Variants in SLC12A9 observed in about 807,000 individuals in gnomAD.
The protein encoded by SLC12A9 is CCC-interacting protein 1.
SLC12A9 carries 55 observed loss-of-function variants against 66.0 expected under a neutral mutation model. That is an observed-to-expected ratio of 0.83 (90% CI 0.67 to 1.04). The LOEUF (loss-of-function observed/expected upper bound fraction) is 1.04, where lower values mean the gene tolerates loss of function less well. Ranked by LOEUF, SLC12A9 falls within the 50% of genes least tolerant of loss-of-function variation. The pLI is 0.00. For synonymous variants in SLC12A9, 577 were observed against 569.0 expected, an observed-to-expected ratio of 1.01 and a Z score of -0.20; for missense variants, 1,061 against 1,241.9, an observed-to-expected ratio of 0.85 and a Z score of 2.19.
chr7:100,829,537 G>A (rs778472401), intron 1 of SLC12A9, among the ~76,000 whole-genome samples: 46 of 152,006 alleles, frequency 3.0e-4, no homozygotes, highest in Non-Finnish European at 6.0e-4. Context: ...CGGTCACCGA[G>A]GGCAGGAAAC....
intron 1 of SLC12A9, among the ~76,000 whole-genome samples, chr7:100,836,830 CTT>C (rs1813670036): frequency 9.4e-6 from 1 of 106,048 alleles, no homozygotes; most frequent in African/African-American, 3.7e-5. Flanking sequence ...ATTCACCAGA[CTT>C]AATCCTGGGG....
upstream of SLC12A9, among the ~76,000 whole-genome samples, chr7:100,851,572 T>C (rs1485045355): frequency 6.6e-6 from 1 of 150,614 alleles, no homozygotes; most frequent in East Asian, 2.0e-4. Flanking sequence ...TGCAGGCGCA[T>C]GCTTGAGTTC....
At chr7:100,846,632 T>C (rs1247136846) in intron 1 of SLC12A9, among the ~76,000 whole-genome samples, 2 of 151,852 alleles carry the variant, frequency 1.3e-5, no homozygotes, top group African/African-American at 4.8e-5. Context: ...GTGTACTATA[T>C]GAATCACTAT....
chr7:100,866,737 A>G lies in SLC12A9; in HGVS notation c.*132A>G. ...GGACGTGGAGCCCAGGGGAGGTTTG[A>G]AGGGGATCCTGGGCTTGGGCATCAC... On this transcript the variant is annotated 3_prime_UTR_variant, in exon 14 of 14. Transcript: ENST00000354161. This position sits in a 1 kb window ranked among gnomAD's most constrained non-coding sequence, Gnocchi z 7.3. The G allele has an allele frequency of 1.0e-6, 1 of 995,014 alleles. No individual in the cohort carries two copies. The highest frequency in any genetic ancestry group is 1.4e-6 in the Non-Finnish European group (1 of 716,182). The allele number at this position is 995,014 out of a possible 1,614,324, so 61.6% of individuals were successfully genotyped here. A position where few individuals can be genotyped will look rare whatever the true frequency, so the allele number is the denominator to read the frequency against.
chr7:100,851,784 C>CAAAAAAAA (rs66749400), upstream of SLC12A9, among the ~76,000 whole-genome samples: 50 of 74,236 alleles, frequency 6.7e-4, no homozygotes, highest in Admixed American at 9.0e-4. Flanking sequence ...GTTCCTGGAT[C>CAAAAAAAA]AAAAAAAAAA....
At chr7:100,853,905 T>G (rs1814225946) in intron 1 of SLC12A9, among the ~76,000 whole-genome samples, 1 of 152,066 alleles carries the variant, frequency 6.6e-6, no homozygotes, top group Admixed American at 6.6e-5. Context: ...CTTTTTGTAT[T>G]TTTAGTAGAG....
chr7:100,845,055 A>G (rs1016906329), intron 1 of SLC12A9, among the ~76,000 whole-genome samples: 4 of 151,980 alleles, frequency 2.6e-5, no homozygotes, highest in Non-Finnish European at 5.9e-5. Flanking sequence ...GCACAAAAAA[A>G]TCACCCTGAT....
intron 1 of SLC12A9, among the ~76,000 whole-genome samples, chr7:100,829,392 C>T (rs1813498702): frequency 1.3e-5 from 2 of 152,166 alleles, no homozygotes; most frequent in East Asian, 3.9e-4. Context: ...CCTTACGTCC[C>T]AGAAAGGACA....
At chr7:100,853,328 C>G (rs960295882) in intron 1 of SLC12A9, 4 of 152,138 alleles carry the variant, frequency 2.6e-5, no homozygotes, top group African/African-American at 4.8e-5. Flanking sequence ...GCTGGAGAAG[C>G]CTGTGCCGTC....
rs1322527164 is a variant in SLC12A9, at chr7:100,835,649, CA to C, written n.228+8613del. On this transcript the variant is annotated intron_variant and non_coding_transcript_variant, in intron 1 of 1. Coordinates refer to the SLC12A9 transcript ENST00000461016. ...TGGGTGACAGAGCAAGACTCCGTCT[CA>C]AAAAAAAAAACAACAAAAAAACAAA... 3.8e-4 allele frequency among the ~76,000 whole-genome samples: 52 copies of C among 138,310 alleles called. 2 individuals are homozygous for C. The highest frequency in any genetic ancestry group is 8.4e-4 in the African/African-American group (32 of 38,014). 90.7% of individuals were successfully genotyped at this position (138,310 alleles called of 152,430 possible).
At chr7:100,848,903 G>A (rs1813989492), upstream of SLC12A9, among the ~76,000 whole-genome samples, 1 of 120,292 alleles carries the variant, frequency 8.3e-6, no homozygotes, top group Admixed American at 7.9e-5. Context: ...AGGAAAGAAA[G>A]AAAGAAAAGA....
Position 100,861,479 on chromosome 7 carries a change from G to A in SLC12A9, c.1431G>A (p.Ala477=), listed in dbSNP as rs751946625. 7.4e-6 allele frequency: 12 copies of A among 1,613,788 alleles called. No individual in the cohort carries two copies. The highest frequency in any genetic ancestry group is 3.3e-5 in the South Asian group (3 of 91,082). ...LLMMFLISPG[A]AGGSLLLMGL... Reference sequence around the variant, plus strand: ...TGATGTTCCTCATCAGTCCTGGCGCGGCTGGTGGCTCCCTGCTCCTCATGG... The same window carrying A: ...TGATGTTCCTCATCAGTCCTGGCGCAGCTGGTGGCTCCCTGCTCCTCATGG... The change falls in exon 11 of 14, where the codon GCG becomes GCA. Residue 477 remains alanine, a synonymous_variant. Transcript: ENST00000354161. The surrounding 1 kb of genome is among the most constrained non-coding windows in gnomAD (Gnocchi z 5.3).
At chr7:100,832,527 T>C (rs1279556801) in intron 1 of SLC12A9, among the ~76,000 whole-genome samples, 1 of 151,808 alleles carries the variant, frequency 6.6e-6, no homozygotes, top group African/African-American at 2.4e-5. Context: ...CAAAAATTAA[T>C]CAGCCATCCT....
upstream of SLC12A9, among the ~76,000 whole-genome samples, chr7:100,850,309 G>T (rs1458966454): frequency 6.9e-6 from 1 of 145,338 alleles, no homozygotes; most frequent in Non-Finnish European, 1.5e-5. Flanking sequence ...ACCCAGATGG[G>T]TGTGCAGCCA....
chr7:100,857,168 A>G lies in SLC12A9; in HGVS notation c.749A>G (p.Asn250Ser). Residue 250 changes from asparagine to serine, a missense_variant, in exon 5 of 14, where the codon AAC becomes AGC. By Grantham distance (46) the Asn-to-Ser change is conservative. Coordinates refer to ENST00000354161, the MANE Select transcript of SLC12A9 (RefSeq NM_020246.4). The stretch of plus-strand genomic sequence containing the variant: ...TTCAACAGCAGTACCCTGAAGGACA[A>G]CTTGGGCGGTGAGCTGGGTGCTGCC... Reference protein sequence around the residue: ...TGFNSSTLKDNLGAGYAEDYT... With the variant: ...TGFNSSTLKDSLGAGYAEDYT... 6.2e-7 allele frequency: 1 copy of G among 1,609,634 alleles called. No individual in the cohort carries two copies. The highest frequency in any genetic ancestry group is 8.5e-7 in the Non-Finnish European group (1 of 1,176,646).
At chr7:100,828,600 G>C (rs978200378) in intron 1 of SLC12A9, among the ~76,000 whole-genome samples, 3 of 151,618 alleles carry the variant, frequency 2.0e-5, no homozygotes, top group Non-Finnish European at 4.4e-5. Flanking sequence ...AGAGGGTGAG[G>C]GGTCCGGCTA....
chr7:100,852,555 C>G (rs1444694905), upstream of SLC12A9: 1 of 152,292 alleles, frequency 6.6e-6, no homozygotes, highest in African/African-American at 2.4e-5. Flanking sequence ...CACGTCCTGC[C>G]GGAGACGCTT....
Position 100,854,243 on chromosome 7 carries a change from G to C in SLC12A9, c.46G>C (p.Glu16Gln), listed in dbSNP as rs763599296. The C allele has an allele frequency of 6.3e-7, 1 of 1,578,186 alleles. No individual in the cohort carries two copies. The highest frequency in any genetic ancestry group is 2.3e-5 in the East Asian group (1 of 44,312). Residue 16 changes from glutamate to glutamine, a missense_variant, in exon 2 of 14, where the codon GAG becomes CAG. By Grantham distance (29) the Glu-to-Gln change is conservative. Coordinates refer to ENST00000354161, the MANE Select transcript of SLC12A9 (RefSeq NM_020246.4). Reference sequence around the variant, plus strand: ...TCTGCTGGCCTACCGGCTCCTGGGGGAGGAGGGGGTTGCCCTCCCTGCCAA... The same window carrying C: ...TCTGCTGGCCTACCGGCTCCTGGGGCAGGAGGGGGTTGCCCTCCCTGCCAA... Reference protein sequence around the residue: ...SPLLAYRLLGEEGVALPANGA... With the variant: ...SPLLAYRLLGQEGVALPANGA...
intron 1 of SLC12A9, among the ~76,000 whole-genome samples, chr7:100,836,779 A>G (rs1162314650): frequency 1.4e-5 from 2 of 139,314 alleles, no homozygotes; most frequent in Non-Finnish European, 3.0e-5. Context: ...GCGGTGCCCA[A>G]GGGCTCATCT....
Sources: allele counts gnomAD v4.1 joint callset (sites outside exome capture counted in the v4.1 genomes callset), GRCh38; gene constraint gnomAD v4.1.1; non-coding constraint Gnocchi (gnomAD v3.1); transcripts MANE v1.5; gene names NCBI Gene and HGNC (gene_info 2026-07-23, HGNC 2026-07-21).